Variants in ORC1 observed in about 807,000 individuals in gnomAD.
The protein encoded by ORC1 is origin recognition complex subunit 1.
In ORC1, 61 loss-of-function variants were observed where a neutral mutation model predicts 98.9. The ratio of observed to expected loss-of-function variants is 0.62; its 90% CI spans 0.50 to 0.76. The LOEUF (loss-of-function observed/expected upper bound fraction) is 0.76, where lower values mean the gene tolerates loss of function less well. Ranked by LOEUF, ORC1 falls within the 30% of genes least tolerant of loss-of-function variation. The pLI is 0.00. For missense variants in ORC1, 979 were observed against 1,072.2 expected (o/e 0.91, Z 1.21); for synonymous variants, 385 against 406.9 (o/e 0.95, Z 0.65).
chr1:52,402,116 C>A lies in ORC1; in HGVS notation c.95+13G>T. Reference sequence around the variant, plus strand: ...CTGTATTTCCAGGACAACCAAAGGACCCCATCACTCACCTATAGGTTTGGT... The same window carrying A: ...CTGTATTTCCAGGACAACCAAAGGAACCCATCACTCACCTATAGGTTTGGT... On this transcript the variant is annotated intron_variant, in intron 2 of 16. Transcript: ENST00000371568. 1.3e-6 allele frequency: 2 copies of A among 1,594,548 alleles called. No individual in the cohort carries two copies. The highest frequency in any genetic ancestry group is 1.7e-6 in the Non-Finnish European group (2 of 1,162,128).
chr1:52,408,693 A>C, upstream of ORC1: 2 of 1,614,080 alleles, frequency 1.2e-6, no homozygotes, highest in African/African-American at 1.3e-5. Context: ...AAATGGGGGT[A>C]AGTATGGTGC....
intron 14 of ORC1, among the ~76,000 whole-genome samples, chr1:52,379,241 ATT>A (rs1202537038): frequency 8.0e-5 from 10 of 125,568 alleles, no homozygotes; most frequent in African/African-American, 2.0e-4. Flanking sequence ...AAAGTAGGGT[ATT>A]TTTTTTTTTT....
At position 52,385,163 on chromosome 1, in the gene ORC1, T is replaced by C. The variant is rs141066689; in HGVS notation, c.1581A>G (p.Gly527=). The change falls in exon 10 of 17, where the codon GGA becomes GGG. Residue 527 remains glycine, a splice_region_variant and synonymous_variant. Transcript: ENST00000371568. ...CCTGCCTGCCTCACATGACTCACCC[T>C]CCGGTATGGTCAAGGAGTTTGCTTT... ...FVESKLLDHT[G]GCMYISGVPG... is the part of the protein sequence containing the mutation. The C allele has an allele frequency of 9.7e-5, 155 of 1,605,516 alleles. No homozygotes were observed. In the African/African-American group the frequency reaches 1.9e-3, roughly 20 times the overall value.
In ORC1 at chr1:52,375,410, C is replaced by T; in HGVS notation, c.2303+20G>A. ...GTTTCTACAGCCTTCCAGGAAGGCT[C>T]AGGAAGTGGAGCATCTTACTTGATG... On this transcript the variant is annotated intron_variant, in intron 15 of 16. Coordinates refer to ENST00000371568, the MANE Select transcript of ORC1 (RefSeq NM_004153.4). The T allele has an allele frequency of 6.2e-7, 1 of 1,613,174 alleles. No individual in the cohort carries two copies. The highest frequency in any genetic ancestry group is 1.6e-4 in the Middle Eastern group (1 of 6,062).
chr1:52,401,371 A>C lies in ORC1; in HGVS notation c.214T>G (p.Phe72Val), dbSNP rs757581044. 6.2e-7 allele frequency: 1 copy of C among 1,614,120 alleles called. No individual in the cohort carries two copies. Among genetic ancestry groups the C allele is most frequent in the Non-Finnish European group, 8.5e-7 (1 of 1,180,024 alleles). ...CCAGTCCCAAACTCACCATCTTCGAACAACTCAAGCAATTTAGCAACATAC... is the reference window on the plus strand; with the variant it reads ...CCAGTCCCAAACTCACCATCTTCGACCAACTCAAGCAATTTAGCAACATAC... ...NPYVAKLLEL[F>V]EDDSDPPPKK... is the part of the protein sequence containing the mutation. Residue 72 changes from phenylalanine (F) to valine (V), a missense_variant, in exon 3 of 17, where the codon TTC becomes GTC. Phe to Val is a conservative substitution (Grantham distance 50). Coordinates refer to ENST00000371568, the MANE Select transcript of ORC1 (RefSeq NM_004153.4).
intron 6 of ORC1, among the ~76,000 whole-genome samples, chr1:52,390,105 C>T (rs1426317349): frequency 6.6e-6 from 1 of 152,120 alleles, no homozygotes; most frequent in African/African-American, 2.4e-5. Context: ...TGTAAATGAC[C>T]ACAATGCAAA....
intron 7 of ORC1, 46 bp from the exon 8 acceptor site, chr1:52,388,683 A>C (rs1040891307): frequency 5.3e-6 from 8 of 1,514,296 alleles, no homozygotes; most frequent in Non-Finnish European, 6.4e-6. Context: ...TTCAAGTCTA[A>C]ATAAGAAGAA....
intron 6 of ORC1, among the ~76,000 whole-genome samples, chr1:52,392,221 C>T (rs931940424): frequency 2.0e-5 from 3 of 151,948 alleles, no homozygotes; most frequent in African/African-American, 7.2e-5. Flanking sequence ...ACTCCGCCTC[C>T]CAGGTTCACA....
upstream of ORC1, chr1:52,408,469 GAGA>G (rs1246829410): frequency 6.6e-7 from 1 of 1,524,410 alleles, no homozygotes; most frequent in South Asian, 1.1e-5. Context: ...ACCTGCCAAA[GAGA>G]AGAACATGTT....
intron 6 of ORC1, among the ~76,000 whole-genome samples, chr1:52,389,981 C>T (rs562328292): frequency 1.1e-4 from 17 of 152,164 alleles, no homozygotes; most frequent in Admixed American, 5.9e-4. Flanking sequence ...CCTAGAAAAC[C>T]CTGAAGACTC....
chr1:52,394,538 G>A (rs1459711153), intron 5 of ORC1, among the ~76,000 whole-genome samples: 1 of 152,034 alleles, frequency 6.6e-6, no homozygotes, highest in Non-Finnish European at 1.5e-5. Context: ...TCATAAAGAT[G>A]GCTTTTGAGA....
chr1:52,407,994 T>G (rs1467239351), upstream of ORC1, among the ~76,000 whole-genome samples: 1 of 152,256 alleles, frequency 6.6e-6, no homozygotes, highest in Non-Finnish European at 1.5e-5. Flanking sequence ...AGGTGGAGGC[T>G]GCAGTGAATT....
intron 14 of ORC1, among the ~76,000 whole-genome samples, chr1:52,377,703 C>CAAAAAAAAAAAAAAAAAAAAA (rs58266239): frequency 1.7e-5 from 1 of 58,772 alleles, no homozygotes; most frequent in Non-Finnish European, 3.6e-5. Flanking sequence ...CCCCTAGAAG[C>CAAAAAAAAAAAAAAAAAAAAA]AAAAAAAAAA....
intron 5 of ORC1, among the ~76,000 whole-genome samples, chr1:52,394,997 G>C (rs376877177): frequency 6.6e-6 from 1 of 152,114 alleles, no homozygotes; most frequent in African/African-American, 2.4e-5. Flanking sequence ...TAATATTTGT[G>C]CTGCATTTTC....
rs768280496 is a variant in ORC1, at chr1:52,375,461, T to TC, written c.2271dup (p.Met758AspfsTer43). The stretch of plus-strand genomic sequence containing the variant: ...GCCGTGATGTATGATGATGAAAACA[T>TC]CTCATCCACAGCTTCCATTGAGTGG... On this transcript the variant is annotated frameshift_variant, in exon 15 of 17. Coordinates refer to ENST00000371568, the MANE Select transcript of ORC1 (RefSeq NM_004153.4). LOFTEE classifies it high-confidence loss of function. 1 of 1,614,156 alleles carries TC rather than the reference T, an allele frequency of 6.2e-7. No individual in the cohort carries two copies. The highest frequency in any genetic ancestry group is 8.5e-7 in the Non-Finnish European group (1 of 1,180,036).
Position 52,383,424 on chromosome 1 carries a change from C to T in ORC1, c.2009G>A (p.Arg670Gln), listed in dbSNP as rs1234934732. The part of the protein sequence containing the change: ...ERIMMNRVSS[R>Q]LGLTRMCFQP... ...GGGAACTGCCCTAGAACCTACCAGT[C>T]GGCTGGACACCCGGTTCATCATGAT... The change falls in exon 13 of 17, where the codon CGA becomes CAA. Residue 670 changes from arginine (R) to glutamine (Q), a missense_variant. Coordinates refer to ENST00000371568, the MANE Select transcript of ORC1 (RefSeq NM_004153.4). 9.9e-6 allele frequency: 16 copies of T among 1,612,316 alleles called. No individual in the cohort carries two copies. The highest frequency in any genetic ancestry group is 4.5e-5 in the East Asian group (2 of 44,892).
intron 6 of ORC1, among the ~76,000 whole-genome samples, chr1:52,391,416 A>T (rs1473055855): frequency 6.6e-6 from 1 of 152,182 alleles, no homozygotes; most frequent in Non-Finnish European, 1.5e-5. Flanking sequence ...AAATGCAACA[A>T]AAACAACAAT....
intron 1 of ORC1, among the ~76,000 whole-genome samples, chr1:52,402,575 A>G (rs1156857487): frequency 1.3e-5 from 2 of 152,232 alleles, no homozygotes; most frequent in Non-Finnish European, 2.9e-5. Flanking sequence ...AGTGAAATTA[A>G]AAGACAGTGA....
Position 52,383,554 on chromosome 1 carries a change from T to C in ORC1, c.1879A>G (p.Thr627Ala). The C allele has an allele frequency of 6.2e-7, 1 of 1,614,000 alleles. No homozygotes were observed. Among genetic ancestry groups the C allele is most frequent in the South Asian group, 1.1e-5 (1 of 91,078 alleles). Residue 627 changes from threonine to alanine, a missense_variant, in exon 13 of 17, where the codon ACT becomes GCT. Coordinates refer to ENST00000371568, the MANE Select transcript of ORC1 (RefSeq NM_004153.4). Reference protein sequence around the residue: ...LLVDELDLLWTHKQDIMYNLF... With the variant: ...LLVDELDLLWAHKQDIMYNLF... ...TTGTACATTATGTCTTGTTTGTGAG[T>C]CCACAGAAGGTCGAGCTGCCAGGGC...
Sources: gnomAD v4.1 joint callset for allele counts (sites outside exome capture counted in the v4.1 genomes callset) on GRCh38, gnomAD v4.1.1 for gene constraint, MANE v1.5 for transcripts, NCBI Gene and HGNC (gene_info 2026-07-23, HGNC 2026-07-21) for gene names.